The following SLC31A1 variants were observed in gnomAD, a reference collection of about 807,000 sequenced individuals.
The protein encoded by SLC31A1 is high affinity copper uptake protein 1.
SLC31A1 carries 5 observed loss-of-function variants against 17.2 expected under a neutral mutation model. The ratio of observed to expected loss-of-function variants is 0.29; its 90% CI spans 0.15 to 0.61. The LOEUF is 0.61. Among genes scored for constraint, SLC31A1 ranks in the 20% least tolerant of loss-of-function variants. The pLI is 0.86. For synonymous variants in SLC31A1, 76 were observed against 78.8 expected, an observed-to-expected ratio of 0.96 and a Z score of 0.19; for missense variants, 161 against 241.4, an observed-to-expected ratio of 0.67 and a Z score of 2.21.
chr9:113,253,277 T>C (rs768091934), intron 1 of SLC31A1, among the ~76,000 whole-genome samples: 29 of 152,094 alleles, frequency 1.9e-4, no homozygotes, highest in Non-Finnish European at 4.1e-4. Context: ...TCTTATTGCA[T>C]TTGTTTGGTT....
Position 113,258,582 on chromosome 9 carries a change from T to C in SLC31A1, c.203-112T>C. 1 of 1,185,960 alleles carries C rather than the reference T, an allele frequency of 8.4e-7. No individual in the cohort carries two copies. Among genetic ancestry groups the C allele is most frequent in the Non-Finnish European group, 1.3e-6 (1 of 797,174 alleles). 73.5% of individuals were successfully genotyped at this position (1,185,960 alleles called of 1,614,324 possible). ...AGAGAAGAGGTAAAAATATAATGTC[T>C]TCAAAAGCTGAGAGTAGCATTTTTT... On this transcript the variant is annotated intron_variant, in intron 3 of 4. Coordinates refer to ENST00000374212, the MANE Select transcript of SLC31A1 (RefSeq NM_001859.4). The surrounding 1 kb of genome is among the most constrained non-coding windows in gnomAD (Gnocchi z 4.8).
In SLC31A1 at chr9:113,260,005, G is replaced by A. The variant is rs116785459; in HGVS notation, c.372-267G>A. ...TCAGGATCTAAGGTGGAGGTAAGTC[G>A]GGATTACTCCTCGTCCTTTTCTCCT... On this transcript the variant is annotated intron_variant, in intron 4 of 4. Coordinates refer to ENST00000374212, the MANE Select transcript of SLC31A1 (RefSeq NM_001859.4). Among the ~76,000 whole-genome samples, 781 of 152,240 alleles carry A rather than the reference G, an allele frequency of 5.1e-3. 7 individuals carry two copies. Among genetic ancestry groups the A allele is most frequent in the African/African-American group, 0.018 (736 of 41,544 alleles).
intron 1 of SLC31A1, among the ~76,000 whole-genome samples, chr9:113,232,256 T>C (rs1480702079): frequency 6.6e-6 from 1 of 152,214 alleles, no homozygotes; most frequent in Non-Finnish European, 1.5e-5. Flanking sequence ...GTATAATGTA[T>C]CATTATTTCC....
In SLC31A1 at chr9:113,263,281, T is replaced by C. The variant is rs7032466; in HGVS notation, c.*2808T>C. The C allele has an allele frequency of 5.3e-5, 8 of 152,228 alleles. No individual in the cohort carries two copies. The highest frequency in any genetic ancestry group is 8.8e-5 in the Non-Finnish European group (6 of 68,042). 9.4% of individuals were successfully genotyped at this position (152,228 alleles called of 1,614,324 possible). ...GATAGAGATAATCTCCTGAAAAACC[T>C]GAATTTCAGAGATTCTTAGACTGGC... On this transcript the variant is annotated 3_prime_UTR_variant, in exon 5 of 5. Coordinates refer to ENST00000374212, the MANE Select transcript of SLC31A1 (RefSeq NM_001859.4).
At chr9:113,228,998 C>T (rs1471964346) in intron 1 of SLC31A1, among the ~76,000 whole-genome samples, 2 of 152,044 alleles carry the variant, frequency 1.3e-5, no homozygotes, top group Admixed American at 6.6e-5. Flanking sequence ...AGGCATGTGC[C>T]ACCACGACCG....
At chr9:113,254,342 A>G (rs767223072) in intron 1 of SLC31A1, among the ~76,000 whole-genome samples, 61 of 152,096 alleles carry the variant, frequency 4.0e-4, no homozygotes, top group Non-Finnish European at 3.2e-4. Context: ...TTCTCTCCCT[A>G]TCAGGAACCT....
chr9:113,252,934 G>A lies in SLC31A1; in HGVS notation c.-35-3180G>A, dbSNP rs138641178. Among the ~76,000 whole-genome samples, 333 of 148,136 alleles carry A rather than the reference G, an allele frequency of 2.2e-3. 1 individual carries two copies. The highest frequency in any genetic ancestry group is 7.7e-3 in the African/African-American group (311 of 40,176). ...TCAGTAGTCTTCCTGGCTAGCGAAAGTCTTTTCTTTTCTTTTTTTCTTTTT... is the reference window on the plus strand; with the variant it reads ...TCAGTAGTCTTCCTGGCTAGCGAAAATCTTTTCTTTTCTTTTTTTCTTTTT... On this transcript the variant is annotated intron_variant, in intron 1 of 4. Coordinates refer to ENST00000374212, the MANE Select transcript of SLC31A1 (RefSeq NM_001859.4).
intron 1 of SLC31A1, 96 bp from the exon 2 acceptor site, chr9:113,256,018 C>T: frequency 1.1e-6 from 1 of 924,396 alleles, no homozygotes; most frequent in South Asian, 1.7e-5. Flanking sequence ...GCATTCCAGC[C>T]TGGGCAACAT....
chr9:113,232,656 A>AC (rs1831413160), intron 1 of SLC31A1, among the ~76,000 whole-genome samples: 2 of 148,608 alleles, frequency 1.3e-5, no homozygotes, highest in Non-Finnish European at 1.5e-5. Context: ...ACATGGTGAA[A>AC]CCCCATCTCT....
At chr9:113,253,018 G>A (rs1416829164) in intron 1 of SLC31A1, among the ~76,000 whole-genome samples, 3 of 145,676 alleles carry the variant, frequency 2.1e-5, no homozygotes, top group Non-Finnish European at 3.0e-5. Context: ...CAGTGGCGCG[G>A]TCTCGCTTTA....
At chr9:113,256,758 G>A (rs1345987851) in intron 2 of SLC31A1, among the ~76,000 whole-genome samples, 1 of 152,026 alleles carries the variant, frequency 6.6e-6, no homozygotes, top group African/African-American at 2.4e-5. Context: ...CTACTTGGGA[G>A]GCTGAGGCAG....
In SLC31A1 at chr9:113,221,548, C is replaced by T. The variant is rs1043004730; in HGVS notation, c.-166C>T. On this transcript the variant is annotated 5_prime_UTR_variant, in exon 1 of 5. Coordinates refer to ENST00000374212, the MANE Select transcript of SLC31A1 (RefSeq NM_001859.4). ...TAGGGGGCGGGAGGGGGCGGGAAAT[C>T]CTCGGCCTCGGTGGCGGTGGTGGAC... 2.2e-6 allele frequency: 1 copy of T among 456,736 alleles called. No homozygotes were observed. The highest frequency in any genetic ancestry group is 2.0e-5 in the African/African-American group (1 of 50,434). 28.3% of individuals were successfully genotyped at this position (456,736 alleles called of 1,614,324 possible).
At chr9:113,252,854 C>G (rs374693724) in intron 1 of SLC31A1, among the ~76,000 whole-genome samples, 2 of 152,014 alleles carry the variant, frequency 1.3e-5, no homozygotes, top group African/African-American at 4.8e-5. Flanking sequence ...TTCAGACTCT[C>G]ATTGGAAGAG....
At chr9:113,225,862 G>T (rs1313634936) in intron 1 of SLC31A1, among the ~76,000 whole-genome samples, 4 of 152,136 alleles carry the variant, frequency 2.6e-5, no homozygotes, top group Admixed American at 6.5e-5. Flanking sequence ...GAAAAGCAAA[G>T]TGTTCGGCCA....
chr9:113,226,135 CAAA>C (rs34302331), intron 1 of SLC31A1, among the ~76,000 whole-genome samples: 10 of 119,972 alleles, frequency 8.3e-5, no homozygotes, highest in African/African-American at 1.2e-4. Flanking sequence ...GACTCCATCT[CAAA>C]AAAAAAAAAA....
chr9:113,225,397 A>G (rs1831329226), intron 1 of SLC31A1, among the ~76,000 whole-genome samples: 1 of 152,240 alleles, frequency 6.6e-6, no homozygotes, highest in Admixed American at 6.5e-5. Context: ...TCTAAATGGC[A>G]TGATTGATGT....
At chr9:113,232,120 T>C (rs1198612390) in intron 1 of SLC31A1, among the ~76,000 whole-genome samples, 2 of 152,216 alleles carry the variant, frequency 1.3e-5, no homozygotes, top group Admixed American at 1.3e-4. Flanking sequence ...TTCTAGAAAG[T>C]AGCCCTGAAA....
intron 1 of SLC31A1, among the ~76,000 whole-genome samples, chr9:113,246,988 G>A (rs1001184584): frequency 3.3e-5 from 5 of 152,214 alleles, no homozygotes; most frequent in African/African-American, 1.2e-4. Flanking sequence ...CAAAGCCAGA[G>A]CCATTTCTGA....
chr9:113,241,737 G>A (rs956290059), intron 1 of SLC31A1, among the ~76,000 whole-genome samples: 3 of 152,166 alleles, frequency 2.0e-5, no homozygotes, highest in Non-Finnish European at 4.4e-5. Flanking sequence ...GCATCCAAGA[G>A]GGGCTCATTA....
Sources: gnomAD v4.1 joint callset for allele counts (sites outside exome capture counted in the v4.1 genomes callset) on GRCh38, gnomAD v4.1.1 for gene constraint, Gnocchi (gnomAD v3.1) non-coding constraint, MANE v1.5 for transcripts, NCBI Gene and HGNC (gene_info 2026-07-23, HGNC 2026-07-21) for gene names.